ABL2: variants seen among roughly 807,000 people sequenced by gnomAD.
The protein encoded by ABL2 is ABL proto-oncogene 2, non-receptor tyrosine kinase.
ABL2 carries 49 observed loss-of-function variants against 107.7 expected under a neutral mutation model. The ratio of observed to expected loss-of-function variants is 0.45; its 90% CI spans 0.36 to 0.58. The LOEUF (loss-of-function observed/expected upper bound fraction) is 0.58. ABL2 is among the 20% of genes least tolerant of loss of function. The pLI is 0.00. For synonymous variants in ABL2, 549 were observed against 548.6 expected (o/e 1.00, Z -0.01); for missense variants, 1,245 against 1,457.0 (o/e 0.85, Z 2.37).
intron 1 of ABL2, among the ~76,000 whole-genome samples, chr1:179,225,394 A>C (rs1171806350): frequency 1.3e-5 from 2 of 152,196 alleles, no homozygotes; most frequent in Non-Finnish European, 2.9e-5. Context: ...ATACCTCAAT[A>C]TGGCAAACTC....
At chr1:179,226,260 T>C (rs921028918) in intron 1 of ABL2, among the ~76,000 whole-genome samples, 34 of 151,014 alleles carry the variant, frequency 2.3e-4, no homozygotes, top group African/African-American at 8.0e-4. Context: ...ATCTTCATCA[T>C]CCCAGTTAGC....
intron 1 of ABL2, among the ~76,000 whole-genome samples, chr1:179,226,124 T>C (rs951644127): frequency 6.7e-6 from 1 of 148,972 alleles, no homozygotes; most frequent in Non-Finnish European, 1.5e-5. Flanking sequence ...TAAAAAACAG[T>C]ACTCACTGCA....
intron 1 of ABL2, among the ~76,000 whole-genome samples, chr1:179,214,530 ATATATATATATATATATATATG>A (rs1662456043): frequency 1.4e-5 from 2 of 142,298 alleles, no homozygotes; most frequent in African/African-American, 5.1e-5. Flanking sequence ...ATATATATAT[ATATATATATATATATATATATG>A]AGAATATATG....
intron 1 of ABL2, among the ~76,000 whole-genome samples, chr1:179,173,784 T>C (rs1659866178): frequency 6.6e-6 from 1 of 152,162 alleles, no homozygotes; most frequent in African/African-American, 2.4e-5. Context: ...GACATATTAT[T>C]AAGTATTATA....
intron 1 of ABL2, among the ~76,000 whole-genome samples, chr1:179,176,838 G>A (rs1174041530): frequency 1.3e-5 from 2 of 151,910 alleles, no homozygotes; most frequent in South Asian, 4.2e-4. Flanking sequence ...TGGGATTACA[G>A]GTGCCCGCCA....
chr1:179,182,407 T>C (rs1384690807), intron 1 of ABL2, among the ~76,000 whole-genome samples: 1 of 152,204 alleles, frequency 6.6e-6, no homozygotes, highest in Non-Finnish European at 1.5e-5. Context: ...ACTTTCCCAC[T>C]TTCTAGACAA....
rs181609415 is a variant in ABL2 at position 179,210,858 on chromosome 1, A to T, written c.157+18383T>A. ...GACACAGCAAGACTCTGTCTCAAAA[A>T]AATAATAATAATAAATAAAAATAAA... On this transcript the variant is annotated intron_variant, in intron 1 of 11. Transcript: ENST00000502732. Among the ~76,000 whole-genome samples the T allele has an allele frequency of 8.5e-3, 1,290 of 151,976 alleles. 15 individuals carry two copies. The highest frequency in any genetic ancestry group is 0.03 in the African/African-American group (1,230 of 41,476).
At position 179,108,795 on chromosome 1, in the gene ABL2, C is replaced by T; in HGVS notation, c.2472G>A (p.Glu824=). The change falls in exon 12 of 12, where the codon GAG becomes GAA. Residue 824 remains glutamate (E), a synonymous_variant. Coordinates refer to ENST00000502732, the MANE Select transcript of ABL2 (RefSeq NM_007314.4). ...GCATGTCATTGGCCCTGTCCACATT[C>T]TCTTCTGGCTGAGAAGAGGTGGACA... The part of the protein sequence containing the change: ...RTVSTSSQPE[E]NVDRANDMLP... The T allele has an allele frequency of 2.5e-6, 4 of 1,614,178 alleles. No individual in the cohort carries two copies. The highest frequency in any genetic ancestry group is 3.4e-6 in the Non-Finnish European group (4 of 1,180,036).
chr1:179,133,691 G>A (rs1020811983), intron 1 of ABL2, among the ~76,000 whole-genome samples: 13 of 152,178 alleles, frequency 8.5e-5, no homozygotes, highest in Admixed American at 7.9e-4. Context: ...TTATCCATGA[G>A]GAATATGTTC....
At chr1:179,170,088 A>G (rs368416223) in intron 1 of ABL2, among the ~76,000 whole-genome samples, 1 of 152,268 alleles carries the variant, frequency 6.6e-6, no homozygotes, top group South Asian at 2.1e-4. Flanking sequence ...TCTAGAGACT[A>G]GGAGTCCAAG....
intron 1 of ABL2, among the ~76,000 whole-genome samples, chr1:179,151,453 A>T (rs1208139282): frequency 1.3e-5 from 2 of 152,194 alleles, no homozygotes; most frequent in Non-Finnish European, 2.9e-5. Flanking sequence ...CATCCTCTAT[A>T]CTATATTTAA....
intron 1 of ABL2, among the ~76,000 whole-genome samples, chr1:179,224,216 T>G (rs911863075): frequency 2.0e-5 from 3 of 151,690 alleles, no homozygotes; most frequent in African/African-American, 7.3e-5. Flanking sequence ...ATAATGAGTT[T>G]GATTTAAGGA....
intron 1 of ABL2, among the ~76,000 whole-genome samples, chr1:179,227,194 C>T (rs751835250): frequency 2.6e-5 from 4 of 152,136 alleles, no homozygotes; most frequent in African/African-American, 4.8e-5. Context: ...ATCTTAAAAC[C>T]AGAAAGTATC....
chr1:179,138,507 C>T (rs1211071633), intron 1 of ABL2, among the ~76,000 whole-genome samples: 1 of 152,218 alleles, frequency 6.6e-6, no homozygotes, highest in Non-Finnish European at 1.5e-5. Flanking sequence ...GATGAGAAAT[C>T]ACTAATAACA....
At chr1:179,153,044 G>T (rs1166097068) in intron 1 of ABL2, among the ~76,000 whole-genome samples, 1 of 151,848 alleles carries the variant, frequency 6.6e-6, no homozygotes, top group Non-Finnish European at 1.5e-5. Flanking sequence ...TAATAAACAT[G>T]GCTCAACATT....
intron 5 of ABL2, 84 bp downstream of exon 5, chr1:179,121,511 G>C: frequency 2.6e-6 from 4 of 1,529,398 alleles, no homozygotes; most frequent in Admixed American, 1.8e-5. Flanking sequence ...GTGTTCCAAA[G>C]TTAAAGAAGG....
Position 179,126,548 on chromosome 1 carries a change from G to C in ABL2, c.516C>G (p.Ser172=). The part of the protein sequence containing the change: ...ITPVNSLEKH[S]WYHGPVSRSA... ...TGCGTGACACAGGTCCATGGTACCA[G>C]GAGTGTTTTTCCAGGCTGTTCACTG... is the stretch of plus-strand genomic sequence containing the variant. Residue 172 remains serine, a synonymous_variant, in exon 4 of 12, where the codon TCC becomes TCG. Transcript: ENST00000502732. The surrounding 1 kb of genome is among the most constrained non-coding windows in gnomAD (Gnocchi z 4.4). The C allele has an allele frequency of 2.5e-6, 4 of 1,614,180 alleles. No homozygotes were observed. The highest frequency in any genetic ancestry group is 3.4e-6 in the Non-Finnish European group (4 of 1,180,046).
intron 1 of ABL2, among the ~76,000 whole-genome samples, chr1:179,223,225 C>G (rs1349225491): frequency 6.6e-6 from 1 of 151,428 alleles, no homozygotes; most frequent in Non-Finnish European, 1.5e-5. Flanking sequence ...ACCAGCCTGG[C>G]CCAGTACAGC....
intron 9 of ABL2, among the ~76,000 whole-genome samples, chr1:179,114,148 G>C (rs892670414): frequency 1.3e-5 from 2 of 151,840 alleles, no homozygotes; most frequent in South Asian, 2.1e-4. Context: ...CCAGCAACTT[G>C]GGAGGCTGAG....
Sources: gnomAD v4.1 joint callset for allele counts (sites outside exome capture counted in the v4.1 genomes callset) on GRCh38, gnomAD v4.1.1 for gene constraint, Gnocchi (gnomAD v3.1) non-coding constraint, MANE v1.5 for transcripts, NCBI Gene and HGNC (gene_info 2026-07-23, HGNC 2026-07-21) for gene names.